RFX7: variants seen among roughly 807,000 people sequenced by gnomAD.
RFX7 encodes regulatory factor X7, also known as DNA-binding protein RFX7.
A neutral mutation model predicts 111.8 loss-of-function variants in RFX7; 26 were observed. The ratio of observed to expected loss-of-function variants is 0.23; its 90% CI spans 0.17 to 0.32. RFX7 has a LOEUF of 0.32. Ranked by LOEUF, RFX7 falls within the 10% of genes least tolerant of loss-of-function variation. RFX7 has a pLI of 1.00. For missense variants in RFX7, 1,573 were observed against 1,772.9 expected (o/e 0.89, Z 2.02); for synonymous variants, 624 against 624.4 (o/e 1.00, Z 0.01).
intron 2 of RFX7, among the ~76,000 whole-genome samples, chr15:56,224,071 A>C (rs1596020854): frequency 2.0e-5 from 3 of 152,068 alleles, no homozygotes; most frequent in African/African-American, 7.2e-5. Context: ...AAATAACATA[A>C]ATGTGTGATG....
chr15:56,109,508 T>G (rs1595930584), intron 5 of RFX7, among the ~76,000 whole-genome samples: 2 of 148,654 alleles, frequency 1.3e-5, no homozygotes, highest in South Asian at 4.3e-4. Flanking sequence ...TGGCCGCCCA[T>G]CGTCTGGGAT....
intron 2 of RFX7, among the ~76,000 whole-genome samples, chr15:56,214,954 CT>C (rs1451945675): frequency 1.3e-5 from 2 of 152,004 alleles, no homozygotes; most frequent in African/African-American, 2.4e-5. Context: ...TTTTTAACTT[CT>C]GAATATACTA....
At chr15:56,145,935 G>C (rs750301854) in intron 3 of RFX7, among the ~76,000 whole-genome samples, 1 of 152,162 alleles carries the variant, frequency 6.6e-6, no homozygotes, top group Non-Finnish European at 1.5e-5. Flanking sequence ...ATCATACAAA[G>C]AGTGAACAAT....
In RFX7 at chr15:56,204,721, G is replaced by C. The variant is rs551820725; in HGVS notation, c.162-25418C>G. ...CAAGTAATAATGGCAATGGAATATAGTATGAGTGTAATTAAAATCTTACCC... is the reference window on the plus strand; with the variant it reads ...CAAGTAATAATGGCAATGGAATATACTATGAGTGTAATTAAAATCTTACCC... On this transcript the variant is annotated intron_variant, in intron 2 of 9. Transcript: ENST00000559447. Among the ~76,000 whole-genome samples, 340 of 152,264 alleles carry C rather than the reference G, an allele frequency of 2.2e-3. 2 individuals are homozygous for C. Among genetic ancestry groups the C allele is most frequent in the South Asian group, 3.9e-3 (19 of 4,820 alleles).
chr15:56,190,816 A>G lies in RFX7; in HGVS notation c.162-11513T>C, dbSNP rs76475056. Among the ~76,000 whole-genome samples, 887 of 152,354 alleles carry G rather than the reference A, an allele frequency of 5.8e-3. 24 individuals are homozygous for G. The East Asian group carries it at 0.06, about 10-fold the overall frequency. ...AAACTCTCTAATATGAAAGACAGGA[A>G]AAAAGGGGGTGAAACCCTTACTTGG... On this transcript the variant is annotated intron_variant, in intron 2 of 9. Coordinates refer to ENST00000559447, the MANE Select transcript of RFX7 (RefSeq NM_022841.7).
At position 56,152,596 on chromosome 15, in the gene RFX7, A is replaced by G. The variant is rs141558722; in HGVS notation, c.196-8113T>C. Among the ~76,000 whole-genome samples, 105 of 152,332 alleles carry G rather than the reference A, an allele frequency of 6.9e-4. 1 individual carries two copies. In the East Asian group the frequency reaches 0.019, roughly 27 times the overall value. ...ATAGCACTAAATGCCCACAAGAGAA[A>G]GCAGGAAAGACCTAAAATTGACACC... is the stretch of plus-strand genomic sequence containing the variant. On this transcript the variant is annotated intron_variant, in intron 3 of 9. Transcript: ENST00000559447.
At chr15:56,150,882 T>C (rs1011376218) in intron 3 of RFX7, among the ~76,000 whole-genome samples, 3 of 152,100 alleles carry the variant, frequency 2.0e-5, no homozygotes, top group Non-Finnish European at 4.4e-5. Context: ...AATGACCTGA[T>C]GGAGCTGAAA....
At chr15:56,135,067 A>G (rs560648073) in intron 5 of RFX7, among the ~76,000 whole-genome samples, 90 of 152,344 alleles carry the variant, frequency 5.9e-4, no homozygotes, top group African/African-American at 2.1e-3. Flanking sequence ...TAATGCTGCA[A>G]TAAACATACG....
At chr15:56,100,661 T>C (rs879273092) in intron 8 of RFX7, among the ~76,000 whole-genome samples, 1 of 152,206 alleles carries the variant, frequency 6.6e-6, no homozygotes, top group Non-Finnish European at 1.5e-5. Context: ...TCTAGAATAA[T>C]TTATCCACTC....
chr15:56,203,160 T>C (rs1332618172), intron 2 of RFX7, among the ~76,000 whole-genome samples: 1 of 152,186 alleles, frequency 6.6e-6, no homozygotes, highest in East Asian at 1.9e-4. Context: ...CAGGAGTAAG[T>C]TGTCAAGTAT....
At chr15:56,150,867 A>G (rs1474919775) in intron 3 of RFX7, among the ~76,000 whole-genome samples, 1 of 152,194 alleles carries the variant, frequency 6.6e-6, no homozygotes, top group African/African-American at 2.4e-5. Context: ...GTAGAGAAGA[A>G]CATAAATGAC....
At chr15:56,140,251 TGC>T (rs1458827804) in intron 5 of RFX7, among the ~76,000 whole-genome samples, 2 of 152,146 alleles carry the variant, frequency 1.3e-5, no homozygotes, top group African/African-American at 4.8e-5. Flanking sequence ...CAGACTGCTG[TGC>T]TAGCAATCAG....
intron 2 of RFX7, among the ~76,000 whole-genome samples, chr15:56,187,414 T>C (rs1190153355): frequency 1.3e-5 from 2 of 152,038 alleles, no homozygotes; most frequent in African/African-American, 4.8e-5. Context: ...TTTCACTGTG[T>C]TGCCCAGGCT....
chr15:56,115,658 G>T (rs2042000247), intron 5 of RFX7, among the ~76,000 whole-genome samples: 1 of 152,056 alleles, frequency 6.6e-6, no homozygotes, highest in African/African-American at 2.4e-5. Context: ...CTGCATATAG[G>T]CCCGGCACGG....
At chr15:56,188,334 T>G (rs541962593) in intron 2 of RFX7, among the ~76,000 whole-genome samples, 1 of 152,104 alleles carries the variant, frequency 6.6e-6, no homozygotes, top group East Asian at 1.9e-4. Context: ...GGTCTAACTA[T>G]GTACAATGGG....
chr15:56,196,276 C>A lies in RFX7; in HGVS notation c.162-16973G>T, dbSNP rs576103434. On this transcript the variant is annotated intron_variant, in intron 2 of 9. Coordinates refer to ENST00000559447, the MANE Select transcript of RFX7 (RefSeq NM_022841.7). ...TTTACAGATAAAGTCCCCATGGGAT[C>A]TTTTCCTATCTCATTCCACCATTCC... Among the ~76,000 whole-genome samples, 128 of 152,078 alleles carry A rather than the reference C, an allele frequency of 8.4e-4. 2 individuals carry two copies. The highest frequency in any genetic ancestry group is 4.3e-3 in the Admixed American group (66 of 15,276).
At chr15:56,106,678 T>G (rs558037085) in intron 5 of RFX7, among the ~76,000 whole-genome samples, 46 of 151,706 alleles carry the variant, frequency 3.0e-4, no homozygotes, top group African/African-American at 1.0e-3. Context: ...TGGTTGTAAT[T>G]TTTAAAGAAA....
chr15:56,208,051 T>G (rs1282336829), intron 2 of RFX7, among the ~76,000 whole-genome samples: 1 of 152,182 alleles, frequency 6.6e-6, no homozygotes, highest in African/African-American at 2.4e-5. Flanking sequence ...ATCAAGCATC[T>G]CCACACTTTT....
chr15:56,102,893 G>A (rs920519296), intron 6 of RFX7, among the ~76,000 whole-genome samples: 1 of 152,056 alleles, frequency 6.6e-6, no homozygotes, highest in Admixed American at 6.6e-5. Context: ...GGGAGAAAAT[G>A]GATGTAATTC....
Sources: gnomAD v4.1 joint callset for allele counts (sites outside exome capture counted in the v4.1 genomes callset) on GRCh38, gnomAD v4.1.1 for gene constraint, MANE v1.5 for transcripts, NCBI Gene and HGNC (gene_info 2026-07-23, HGNC 2026-07-21) for gene names.